The following ASIC2 variants were observed in gnomAD, a reference collection of about 807,000 sequenced individuals.
ASIC2 encodes acid-sensing ion channel 2.
ASIC2 carries 25 observed loss-of-function variants against 57.3 expected under a neutral mutation model. The observed-to-expected ratio is 0.44, with a 90% CI of 0.32 to 0.61. The LOEUF is 0.61. Among genes scored for constraint, ASIC2 ranks in the 20% least tolerant of loss-of-function variants. ASIC2 has a pLI of 0.06. For missense variants in ASIC2, 641 were observed against 738.1 expected (o/e 0.87, Z 1.52); for synonymous variants, 319 against 307.5 (o/e 1.04, Z -0.39).
chr17:33,461,726 C>T (rs988816655), intron 1 of ASIC2, among the ~76,000 whole-genome samples: 7 of 152,088 alleles, frequency 4.6e-5, no homozygotes, highest in African/African-American at 1.7e-4. Context: ...GGGTAATACC[C>T]ACCCCCTCCA....
At chr17:33,075,736 G>A (rs1211312308) in intron 3 of ASIC2, among the ~76,000 whole-genome samples, 1 of 152,158 alleles carries the variant, frequency 6.6e-6, no homozygotes, top group African/African-American at 2.4e-5. Flanking sequence ...TGAGCACTGG[G>A]ACAGGTGCTG....
At chr17:33,765,390 G>T (rs915048532) in intron 1 of ASIC2, among the ~76,000 whole-genome samples, 1 of 152,100 alleles carries the variant, frequency 6.6e-6, no homozygotes, top group African/African-American at 2.4e-5. Context: ...TTACAGGCGT[G>T]AGCCACCGCG....
intron 1 of ASIC2, among the ~76,000 whole-genome samples, chr17:33,887,603 T>A (rs937603099): frequency 7.9e-5 from 12 of 152,030 alleles, no homozygotes; most frequent in African/African-American, 2.4e-4. Flanking sequence ...TGCGGAGAGG[T>A]GAGACCTTTT....
intron 1 of ASIC2, among the ~76,000 whole-genome samples, chr17:33,232,610 A>G (rs1788283195): frequency 6.6e-6 from 1 of 152,214 alleles, no homozygotes; most frequent in Non-Finnish European, 1.5e-5. Flanking sequence ...TTTTCACTAC[A>G]ACTTCGGGCT....
At chr17:33,743,125 A>AG (rs753002411) in intron 1 of ASIC2, among the ~76,000 whole-genome samples, 1 of 152,210 alleles carries the variant, frequency 6.6e-6, no homozygotes, top group East Asian at 1.9e-4. Flanking sequence ...TGCTGGCATG[A>AG]GGGGCTCTGT....
intron 1 of ASIC2, among the ~76,000 whole-genome samples, chr17:33,416,485 T>A (rs1490808963): frequency 6.6e-6 from 1 of 152,146 alleles, no homozygotes; most frequent in Non-Finnish European, 1.5e-5. Context: ...ATTTTGAGGG[T>A]CTCATGATGC....
chr17:34,056,487 A>T (rs534872560), intron 1 of ASIC2, among the ~76,000 whole-genome samples: 105 of 152,318 alleles, frequency 6.9e-4, no homozygotes, highest in African/African-American at 2.4e-3. Flanking sequence ...GCTGGTAGGT[A>T]AGGAGTGCTG....
chr17:33,533,320 AAAGAAAG>A (rs1915117056), intron 1 of ASIC2: 1 of 9,414 alleles, frequency 1.1e-4, no homozygotes, highest in African/African-American at 8.8e-4. Flanking sequence ...AGAAAGAGCG[AAAGAAAG>A]AAAGAAAGAA....
intron 1 of ASIC2, among the ~76,000 whole-genome samples, chr17:34,095,928 C>A (rs1004104683): frequency 3.3e-5 from 5 of 151,666 alleles, no homozygotes; most frequent in Non-Finnish European, 5.9e-5. Context: ...ACCCTGAAAC[C>A]AATTTGTATT....
intron 1 of ASIC2, among the ~76,000 whole-genome samples, chr17:33,475,816 C>G (rs922956712): frequency 6.6e-6 from 1 of 152,210 alleles, no homozygotes; most frequent in East Asian, 1.9e-4. Flanking sequence ...CATCCCCATC[C>G]CCTGGAGGTC....
At chr17:33,310,075 A>T (rs892245852) in intron 1 of ASIC2, among the ~76,000 whole-genome samples, 1 of 151,380 alleles carries the variant, frequency 6.6e-6, no homozygotes, top group Non-Finnish European at 1.5e-5. Flanking sequence ...TAATATTAAT[A>T]CTCCGTATTA....
intron 1 of ASIC2, among the ~76,000 whole-genome samples, chr17:33,601,166 A>G (rs1905107482): frequency 6.6e-6 from 1 of 152,226 alleles, no homozygotes; most frequent in South Asian, 2.1e-4. Context: ...ATAAAGAATG[A>G]AAGAGTATGT....
chr17:33,411,569 G>A (rs973288900), intron 1 of ASIC2, among the ~76,000 whole-genome samples: 10 of 152,184 alleles, frequency 6.6e-5, no homozygotes, highest in Non-Finnish European at 1.5e-4. Context: ...ATTCTTTTAG[G>A]CCTGGAGTGC....
intron 1 of ASIC2, among the ~76,000 whole-genome samples, chr17:34,111,755 T>C (rs2142111593): frequency 6.6e-6 from 1 of 152,338 alleles, no homozygotes; most frequent in South Asian, 2.1e-4. Context: ...TTTCTATGTA[T>C]GAACATCTTC....
chr17:33,594,582 A>T (rs932762717), intron 1 of ASIC2, among the ~76,000 whole-genome samples: 12 of 152,212 alleles, frequency 7.9e-5, no homozygotes, highest in African/African-American at 2.9e-4. Flanking sequence ...TAATCCCAGC[A>T]CTGTGGGAGG....
chr17:33,799,419 CTTTCTTT>C, intron 1 of ASIC2, among the ~76,000 whole-genome samples: 1 of 68,832 alleles, frequency 1.5e-5, no homozygotes, highest in East Asian at 4.0e-4. Context: ...TTCTTTCTTT[CTTTCTTT>C]CTTCTTTCTT....
At chr17:33,979,121 G>A (rs1011060731) in intron 1 of ASIC2, among the ~76,000 whole-genome samples, 11 of 152,144 alleles carry the variant, frequency 7.2e-5, no homozygotes, top group Admixed American at 7.2e-4. Flanking sequence ...CCAGGAGAGA[G>A]GAGGGTGGGC....
chr17:33,594,547 G>C (rs1904921060), intron 1 of ASIC2, among the ~76,000 whole-genome samples: 1 of 149,970 alleles, frequency 6.7e-6, no homozygotes, highest in African/African-American at 2.5e-5. Flanking sequence ...GCTCTGTTTA[G>C]GCTGGGCACA....
intron 1 of ASIC2, among the ~76,000 whole-genome samples, chr17:33,859,143 TAAG>T (rs773181833): frequency 6.6e-6 from 1 of 152,198 alleles, no homozygotes; most frequent in East Asian, 1.9e-4. Flanking sequence ...CAGCATGAAA[TAAG>T]AAGCAAACTA....
Sources: allele counts gnomAD v4.1 joint callset (sites outside exome capture counted in the v4.1 genomes callset), GRCh38; gene constraint gnomAD v4.1.1; transcripts MANE v1.5; gene names NCBI Gene and HGNC (gene_info 2026-07-23, HGNC 2026-07-21).